The following SNRPN variants were observed in gnomAD, a reference collection of about 807,000 sequenced individuals.
The protein encoded by SNRPN is small nuclear ribonucleoprotein polypeptide N, also known as small nuclear ribonucleoprotein-associated protein N.
SNRPN carries 7 observed loss-of-function variants against 25.2 expected under a neutral mutation model. The ratio of observed to expected loss-of-function variants is 0.28; its 90% CI spans 0.16 to 0.52. SNRPN has a LOEUF of 0.52. Among genes scored for constraint, SNRPN ranks in the 20% least tolerant of loss-of-function variants. The pLI is 0.96. For missense variants in SNRPN, 196 were observed against 322.5 expected, an observed-to-expected ratio of 0.61 and a Z score of 3.00; for synonymous variants, 124 against 110.6, an observed-to-expected ratio of 1.12 and a Z score of -0.76.
At chr15:24,907,782 C>G (rs148730173) in intron 2 of SNRPN, among the ~76,000 whole-genome samples, 2 of 150,246 alleles carry the variant, frequency 1.3e-5, no homozygotes, top group East Asian at 2.0e-4. Context: ...AGGCCAGGCG[C>G]GGTGGCTCAC....
In SNRPN at chr15:24,956,763, C is replaced by T. The variant is rs900245772; in HGVS notation, c.-391+1701C>T. On this transcript the variant is annotated intron_variant, in intron 1 of 9. Transcript: ENST00000390687. ...TAGCAAGCTTGGCAGCCACCCCTTACCCACGGTGCAGCAGTAGAGGACTGG... is the reference window on the plus strand; with the variant it reads ...TAGCAAGCTTGGCAGCCACCCCTTATCCACGGTGCAGCAGTAGAGGACTGG... Among the ~76,000 whole-genome samples the T allele has an allele frequency of 3.9e-5, 6 of 152,152 alleles. No individual in the cohort carries two copies. In the East Asian group the frequency reaches 7.7e-4, roughly 20 times the overall value.
chr15:24,832,834 G>C (rs566358180), intron 2 of SNRPN, among the ~76,000 whole-genome samples: 1 of 151,896 alleles, frequency 6.6e-6, no homozygotes, highest in Admixed American at 6.6e-5. Flanking sequence ...GGCCGGGCGC[G>C]GTGGCTCAGG....
chr15:24,837,027 C>A (rs1010529744), intron 2 of SNRPN, among the ~76,000 whole-genome samples: 4 of 151,996 alleles, frequency 2.6e-5, no homozygotes, highest in Non-Finnish European at 5.9e-5. Flanking sequence ...TTTCTGTCTC[C>A]TCCAGCTTAA....
At chr15:24,848,046 G>A (rs1408696523) in intron 2 of SNRPN, among the ~76,000 whole-genome samples, 5 of 151,948 alleles carry the variant, frequency 3.3e-5, no homozygotes, top group Admixed American at 1.3e-4. Context: ...AGGTGCATTC[G>A]CTCATGTCTC....
intron 1 of SNRPN, among the ~76,000 whole-genome samples, chr15:24,826,439 G>GTAC (rs2050084090): frequency 6.6e-6 from 1 of 152,096 alleles, no homozygotes; most frequent in Non-Finnish European, 1.5e-5. Context: ...ATTGCCTGAT[G>GTAC]TACTGTGTCT....
intron 2 of SNRPN, among the ~76,000 whole-genome samples, chr15:24,848,028 G>C (rs919614746): frequency 2.0e-5 from 3 of 151,870 alleles, no homozygotes; most frequent in African/African-American, 7.3e-5. Context: ...CACTCTGATG[G>C]AGAAGTCAGG....
chr15:24,888,784 A>G (rs1482078940), intron 2 of SNRPN, among the ~76,000 whole-genome samples: 2 of 152,222 alleles, frequency 1.3e-5, no homozygotes. Context: ...ACACAAGAAC[A>G]ACGTACTGCA....
At chr15:24,859,548 A>G (rs1448422707) in intron 1 of SNRPN, among the ~76,000 whole-genome samples, 1 of 152,216 alleles carries the variant, frequency 6.6e-6, no homozygotes, top group Non-Finnish European at 1.5e-5. Context: ...CCAACAGACT[A>G]ACAGCATTGA....
chr15:24,976,562 C>T (rs2077082968), intron 6 of SNRPN, 146 bp downstream of exon 6: 2 of 689,852 alleles, frequency 2.9e-6, no homozygotes, highest in Non-Finnish European at 2.5e-6. Flanking sequence ...TTGTTGGTTG[C>T]CTATGCTATT....
intron 2 of SNRPN, among the ~76,000 whole-genome samples, chr15:24,830,994 T>C (rs913354023): frequency 2.6e-5 from 4 of 152,042 alleles, no homozygotes; most frequent in African/African-American, 9.7e-5. Context: ...TTCTGCTTGG[T>C]GGATCTGTCT....
At chr15:24,958,227 G>A (rs393784) in intron 1 of SNRPN, among the ~76,000 whole-genome samples, 19,565 of 152,030 alleles carry the variant, frequency 0.13, 2,418 homozygotes, top group African/African-American at 0.33. Context: ...TTGTTTATAA[G>A]GTGTCAAGGA....
chr15:24,835,020 A>AAAT (rs1330167613), intron 2 of SNRPN, among the ~76,000 whole-genome samples: 1 of 42,006 alleles, frequency 2.4e-5, no homozygotes, highest in South Asian at 6.1e-4. Context: ...CTATATATAA[A>AAAT]ATAGATATAT....
chr15:24,965,430 A>G (rs1295294333), intron 2 of SNRPN, among the ~76,000 whole-genome samples: 1 of 152,160 alleles, frequency 6.6e-6, no homozygotes, highest in African/African-American at 2.4e-5. Context: ...CCAGCTACTC[A>G]GGAGGCTGAG....
intron 2 of SNRPN, among the ~76,000 whole-genome samples, chr15:24,917,556 C>A (rs1008277651): frequency 6.6e-6 from 1 of 152,194 alleles, no homozygotes; most frequent in Non-Finnish European, 1.5e-5. Flanking sequence ...CACCATTACA[C>A]CTGCCTGCAG....
chr15:24,909,034 C>T, intron 2 of SNRPN: 1 of 1,429,634 alleles, frequency 7.0e-7, no homozygotes, highest in Non-Finnish European at 9.8e-7. Flanking sequence ...TCCACCTCTT[C>T]TTTTTAACTT....
chr15:24,907,513 G>C (rs1240177264), intron 2 of SNRPN, among the ~76,000 whole-genome samples: 2 of 151,520 alleles, frequency 1.3e-5, no homozygotes, highest in African/African-American at 4.8e-5. Context: ...CAGGAGAATG[G>C]CATGAACCCA....
At chr15:24,882,823 C>CAAAAAAAAAAAAAAAA (rs10543501) in intron 1 of SNRPN, among the ~76,000 whole-genome samples, 13 of 127,142 alleles carry the variant, frequency 1.0e-4, no homozygotes, top group East Asian at 2.3e-4. Flanking sequence ...GACTCCATCT[C>CAAAAAAAAAAAAAAAA]AAAAAAAAAA....
At chr15:24,930,183 A>G (rs546114966) in intron 3 of SNRPN, among the ~76,000 whole-genome samples, 27 of 147,858 alleles carry the variant, frequency 1.8e-4, no homozygotes, top group Non-Finnish European at 3.0e-4. Flanking sequence ...TTTTCTAGAT[A>G]AAAAATATAA....
chr15:24,957,675 ATTTTTGGGTAGTTT>A (rs1566953106), intron 1 of SNRPN, among the ~76,000 whole-genome samples: 1 of 152,150 alleles, frequency 6.6e-6, no homozygotes, highest in Non-Finnish European at 1.5e-5. Flanking sequence ...GGAATAATCT[ATTTTTGGGTAGTTT>A]TAAAAATAGC....
Sources: allele counts gnomAD v4.1 joint callset (sites outside exome capture counted in the v4.1 genomes callset), GRCh38; gene constraint gnomAD v4.1.1; transcripts MANE v1.5; gene names NCBI Gene and HGNC (gene_info 2026-07-23, HGNC 2026-07-21).